SOS2: variants seen among roughly 807,000 people sequenced by gnomAD.
The protein encoded by SOS2 is son of sevenless homolog 2.
A neutral mutation model predicts 148.2 loss-of-function variants in SOS2; 65 were observed. That is an observed-to-expected ratio of 0.44 (90% CI 0.36 to 0.54). The LOEUF (loss-of-function observed/expected upper bound fraction) is 0.54. SOS2 is among the 20% of genes least tolerant of loss of function. SOS2 has a pLI of 0.00. For synonymous variants in SOS2, 539 were observed against 537.1 expected (o/e 1.00, Z -0.05); for missense variants, 1,341 against 1,590.2 (o/e 0.84, Z 2.67).
chr14:50,125,285 G>A (rs1883646383), intron 21 of SOS2, among the ~76,000 whole-genome samples: 1 of 152,210 alleles, frequency 6.6e-6, no homozygotes. Flanking sequence ...GCCAGCAAAT[G>A]CCAGAAGGTA....
intron 19 of SOS2, among the ~76,000 whole-genome samples, chr14:50,131,954 T>C (rs745434237): frequency 1.2e-4 from 18 of 152,174 alleles, no homozygotes; most frequent in East Asian, 7.7e-4. Context: ...GTTCAGCTTA[T>C]ACAATTCTGA....
intron 8 of SOS2, among the ~76,000 whole-genome samples, 183 bp from the exon 9 acceptor site, chr14:50,161,792 T>C (rs1566832273): frequency 1.6e-5 from 1 of 64,264 alleles, no homozygotes; most frequent in Non-Finnish European, 3.1e-5. Flanking sequence ...TTTCTTTCTT[T>C]TTTTTTTTTT....
Position 50,191,709 on chromosome 14 carries a change from C to A in SOS2, c.511-3009G>T, listed in dbSNP as rs148076469. 1.5e-4 allele frequency among the ~76,000 whole-genome samples: 23 copies of A among 152,188 alleles called. No homozygotes were observed. The East Asian group carries it at 4.2e-3, about 28-fold the overall frequency. ...AGAAACAGTGGGGATTATGGTAAAC[C>A]GGAAGGTACATGCACCTAAAGAGGA... On this transcript the variant is annotated intron_variant, in intron 4 of 22. Transcript: ENST00000216373.
chr14:50,157,175 G>T, intron 11 of SOS2, 54 bp from the exon 12 acceptor site: 1 of 1,573,156 alleles, frequency 6.4e-7, no homozygotes, highest in Admixed American at 1.8e-5. Flanking sequence ...GAAAATACAA[G>T]GAGGAAAACA....
rs1886006209 is a variant in SOS2 at position 50,188,665 on chromosome 14, A to T, written c.546T>A (p.Gly182=). ...LMDMFDQDDI[G]LVSLCEDEPS... ...GTTCATCTTCACAGAGAGAAACCAAACCTATGTCATCCTGATCAAACATGT... is the reference window on the plus strand; with the variant it reads ...GTTCATCTTCACAGAGAGAAACCAATCCTATGTCATCCTGATCAAACATGT... The change falls in exon 5 of 23, where the codon GGT becomes GGA. Residue 182 remains glycine, a synonymous_variant. Coordinates refer to ENST00000216373, the MANE Select transcript of SOS2 (RefSeq NM_006939.4). 1.9e-6 allele frequency: 3 copies of T among 1,609,494 alleles called. No homozygotes were observed. Among genetic ancestry groups the T allele is most frequent in the Non-Finnish European group, 2.5e-6 (3 of 1,178,008 alleles).
intron 4 of SOS2, among the ~76,000 whole-genome samples, chr14:50,197,852 C>G (rs572095410): frequency 6.6e-6 from 1 of 152,066 alleles, no homozygotes; most frequent in Non-Finnish European, 1.5e-5. Context: ...CCATGCCCAG[C>G]TACTTTTTTT....
chr14:50,118,593 T>A lies in SOS2; in HGVS notation c.3750A>T (p.Arg1250Ser). The A allele has an allele frequency of 6.2e-7, 1 of 1,614,166 alleles. No homozygotes were observed. Among genetic ancestry groups the A allele is most frequent in the Non-Finnish European group, 8.5e-7 (1 of 1,180,026 alleles). Residue 1250 changes from arginine to serine, a missense_variant, in exon 23 of 23, where the codon AGA (arginine) becomes AGT (serine). Coordinates refer to ENST00000216373, the MANE Select transcript of SOS2 (RefSeq NM_006939.4). The part of the protein sequence containing the change: ...GHLHRDSDWL[R>S]DISTCPNSPS... ...GCGAATTTGGACACGTACTAATGTC[T>A]CTGAGCCAGTCTGAATCTCTGTGAA...
At chr14:50,176,359 A>C (rs1467161271) in intron 7 of SOS2, among the ~76,000 whole-genome samples, 1 of 152,214 alleles carries the variant, frequency 6.6e-6, no homozygotes, top group Non-Finnish European at 1.5e-5. Context: ...GACAGTATTA[A>C]ACTAATTAAT....
In SOS2 at chr14:50,224,302, AAAAT is replaced by A. The variant is rs1277517850; in HGVS notation, c.87+6891_87+6894del. Among the ~76,000 whole-genome samples, 61 of 79,872 alleles carry A rather than the reference AAAAT, an allele frequency of 7.6e-4. 1 individual carries two copies. Among genetic ancestry groups the A allele is most frequent in the African/African-American group, 2.9e-3 (54 of 18,796 alleles). 52.4% of individuals were successfully genotyped at this position (79,872 alleles called of 152,430 possible). A position where few individuals can be genotyped will look rare whatever the true frequency, so the allele number is the denominator to read the frequency against. On this transcript the variant is annotated intron_variant, in intron 1 of 22. Transcript: ENST00000216373. Reference sequence around the variant, plus strand: ...CAAGACTCCGTCTCAGGAAAAAAAAAAAATATATATATACACACACACACACACA... The same window carrying A: ...CAAGACTCCGTCTCAGGAAAAAAAAAATATATATACACACACACACACACA...
At chr14:50,189,511 A>G (rs1886050942) in intron 4 of SOS2, among the ~76,000 whole-genome samples, 1 of 152,126 alleles carries the variant, frequency 6.6e-6, no homozygotes, top group Admixed American at 6.6e-5. Context: ...TAAAATGCAT[A>G]CTACTACATC....
chr14:50,202,991 AC>A (rs1365702778), intron 2 of SOS2, among the ~76,000 whole-genome samples: 2 of 151,990 alleles, frequency 1.3e-5, no homozygotes, highest in African/African-American at 4.8e-5. Flanking sequence ...CCCAGTCTTT[AC>A]AAAAATAAAA....
chr14:50,181,642 G>A (rs1885743209), intron 6 of SOS2, among the ~76,000 whole-genome samples: 1 of 151,900 alleles, frequency 6.6e-6, no homozygotes, highest in Non-Finnish European at 1.5e-5. Context: ...CATTAACATG[G>A]ACAATGTTTA....
chr14:50,197,237 TA>T (rs1886338897), intron 4 of SOS2, among the ~76,000 whole-genome samples: 1 of 152,152 alleles, frequency 6.6e-6, no homozygotes, highest in Admixed American at 6.5e-5. Flanking sequence ...TTGAGTGTGA[TA>T]AAGAATAAGA....
At chr14:50,179,850 T>A (rs1347561519) in intron 7 of SOS2, among the ~76,000 whole-genome samples, 1 of 152,142 alleles carries the variant, frequency 6.6e-6, no homozygotes, top group African/African-American at 2.4e-5. Flanking sequence ...CAATACAGTA[T>A]TTATCTCCTT....
intron 8 of SOS2, among the ~76,000 whole-genome samples, 199 bp from the exon 9 acceptor site, chr14:50,161,808 G>A (rs1176593900): frequency 1.0e-5 from 1 of 95,798 alleles, no homozygotes; most frequent in Non-Finnish European, 2.3e-5. Flanking sequence ...TTTTTTTTTT[G>A]AAACAGGATC....
At chr14:50,128,405 G>A (rs1883751690) in intron 21 of SOS2, among the ~76,000 whole-genome samples, 1 of 106,012 alleles carries the variant, frequency 9.4e-6, no homozygotes, top group Non-Finnish European at 1.9e-5. Context: ...GCATGGAAAG[G>A]TGCTAAACAA....
chr14:50,197,794 T>C (rs1184075427), intron 4 of SOS2, among the ~76,000 whole-genome samples: 2 of 151,494 alleles, frequency 1.3e-5, no homozygotes, highest in Non-Finnish European at 2.9e-5. Context: ...GTTCAAATGA[T>C]TCTCGTGCCT....
chr14:50,135,718 C>T (rs1165008885), intron 18 of SOS2, among the ~76,000 whole-genome samples: 3 of 145,742 alleles, frequency 2.1e-5, no homozygotes, highest in Non-Finnish European at 1.5e-5. Context: ...GTATGAGCCA[C>T]CTCACCCAGC....
chr14:50,131,472 T>C (rs765105217), intron 19 of SOS2, among the ~76,000 whole-genome samples: 11 of 152,226 alleles, frequency 7.2e-5, no homozygotes, highest in Non-Finnish European at 1.2e-4. Context: ...GAAATAACTA[T>C]GCATGACTTT....
Sources: gnomAD v4.1 joint callset for allele counts (sites outside exome capture counted in the v4.1 genomes callset) on GRCh38, gnomAD v4.1.1 for gene constraint, MANE v1.5 for transcripts, NCBI Gene and HGNC (gene_info 2026-07-23, HGNC 2026-07-21) for gene names.